NCMAP: variants seen among roughly 807,000 people sequenced by gnomAD.
The protein encoded by NCMAP is noncompact myelin-associated protein.
Under a neutral mutation model 7.8 loss-of-function variants are expected in NCMAP, and 8 were observed. That is an observed-to-expected ratio of 1.02 (90% CI 0.60 to 1.84). NCMAP has a LOEUF of 1.84. NCMAP is among the 40% of genes most tolerant of loss of function. NCMAP has a pLI of 0.00. For missense variants in NCMAP, 112 were observed against 131.4 expected (o/e 0.85, Z 0.72); for synonymous variants, 41 against 52.9 (o/e 0.78, Z 0.98).
At chr1:24,603,370 T>TA (rs922007795) in intron 3 of NCMAP, among the ~76,000 whole-genome samples, 2 of 149,736 alleles carry the variant, frequency 1.3e-5, no homozygotes, top group Non-Finnish European at 2.9e-5. Flanking sequence ...AAAAATTATT[T>TA]AAAAAAAAAT....
At chr1:24,582,503 C>G (rs1651773493) in intron 1 of NCMAP, among the ~76,000 whole-genome samples, 1 of 152,076 alleles carries the variant, frequency 6.6e-6, no homozygotes, top group South Asian at 2.1e-4. Flanking sequence ...AGGAGGGTCA[C>G]AGAGAGAGGA....
intron 1 of NCMAP, among the ~76,000 whole-genome samples, chr1:24,566,398 A>G (rs1261114654): frequency 6.6e-6 from 1 of 152,178 alleles, no homozygotes; most frequent in Non-Finnish European, 1.5e-5. Context: ...GCAGGAGAGA[A>G]TATGGGATGG....
intron 1 of NCMAP, among the ~76,000 whole-genome samples, chr1:24,577,420 T>TTTGTTG (rs1651615021): frequency 7.0e-6 from 1 of 143,750 alleles, no homozygotes; most frequent in Non-Finnish European, 1.5e-5. Context: ...TTTTTTTTTT[T>TTTGTTG]TTTTTTTTTT....
chr1:24,561,176 T>TATAA (rs1651038109), intron 1 of NCMAP, among the ~76,000 whole-genome samples: 1 of 15,170 alleles, frequency 6.6e-5, no homozygotes, highest in African/African-American at 3.2e-4. Context: ...CTACTAAAAA[T>TATAA]ACAAAAAAAA....
intron 1 of NCMAP, among the ~76,000 whole-genome samples, chr1:24,584,007 T>C (rs1306958931): frequency 6.6e-6 from 1 of 152,202 alleles, no homozygotes; most frequent in Non-Finnish European, 1.5e-5. Context: ...GAAAGCACAG[T>C]GCCTGGCACT....
chr1:24,567,165 A>G (rs1651251954), intron 1 of NCMAP, among the ~76,000 whole-genome samples: 1 of 152,118 alleles, frequency 6.6e-6, no homozygotes, highest in Non-Finnish European at 1.5e-5. Flanking sequence ...GCCCATACGC[A>G]CACATGCATT....
At chr1:24,585,594 G>T (rs1297116143) in intron 1 of NCMAP, among the ~76,000 whole-genome samples, 3 of 152,164 alleles carry the variant, frequency 2.0e-5, no homozygotes, top group Non-Finnish European at 4.4e-5. Flanking sequence ...TATTTTACAG[G>T]CAGGAAAACC....
At chr1:24,571,529 A>G (rs1220244063) in intron 1 of NCMAP, among the ~76,000 whole-genome samples, 1 of 150,698 alleles carries the variant, frequency 6.6e-6, no homozygotes, top group African/African-American at 2.5e-5. Context: ...TATGTAACCC[A>G]GCATATTCCA....
At chr1:24,556,845 C>G (rs536995714) in intron 1 of NCMAP, among the ~76,000 whole-genome samples, 1 of 151,946 alleles carries the variant, frequency 6.6e-6, no homozygotes, top group South Asian at 2.1e-4. Flanking sequence ...CTGGAAGGCC[C>G]CTTGGAGGAG....
chr1:24,566,645 T>C (rs1651235596), intron 1 of NCMAP, among the ~76,000 whole-genome samples: 1 of 152,180 alleles, frequency 6.6e-6, no homozygotes, highest in South Asian at 2.1e-4. Context: ...ATGGAGAAAC[T>C]GTGCAGAAAG....
intron 1 of NCMAP, among the ~76,000 whole-genome samples, chr1:24,582,365 T>C (rs749617964): frequency 1.3e-5 from 2 of 152,100 alleles, no homozygotes; most frequent in Non-Finnish European, 2.9e-5. Flanking sequence ...AACCTCAGAA[T>C]ATGTTAGTTT....
At chr1:24,568,949 A>G (rs1357159899) in intron 1 of NCMAP, among the ~76,000 whole-genome samples, 3 of 152,072 alleles carry the variant, frequency 2.0e-5, no homozygotes, top group Non-Finnish European at 4.4e-5. Flanking sequence ...TTGAGAGCCC[A>G]GAGCATGCTA....
chr1:24,588,273 AC>A (rs1652261875), intron 1 of NCMAP, among the ~76,000 whole-genome samples: 1 of 152,126 alleles, frequency 6.6e-6, no homozygotes, highest in African/African-American at 2.4e-5. Flanking sequence ...GACCATTAAA[AC>A]ATCCCAATAT....
At chr1:24,585,474 C>A (rs1354580002) in intron 1 of NCMAP, among the ~76,000 whole-genome samples, 3 of 152,150 alleles carry the variant, frequency 2.0e-5, no homozygotes, top group Non-Finnish European at 2.9e-5. Flanking sequence ...TCCATATCTA[C>A]AAAGAAGAAT....
chr1:24,570,717 C>T (rs536855122), intron 1 of NCMAP, among the ~76,000 whole-genome samples: 2 of 151,022 alleles, frequency 1.3e-5, no homozygotes, highest in South Asian at 4.1e-4. Flanking sequence ...GAGCTCACGG[C>T]ACCTCTGTGT....
At chr1:24,591,346 A>G (rs1389010964) in intron 1 of NCMAP, among the ~76,000 whole-genome samples, 2 of 151,908 alleles carry the variant, frequency 1.3e-5, no homozygotes, top group Non-Finnish European at 2.9e-5. Flanking sequence ...GCTCACTACA[A>G]CCTCCACCTC....
At chr1:24,599,827 C>G (rs1233196702) in intron 2 of NCMAP, among the ~76,000 whole-genome samples, 1 of 72,228 alleles carries the variant, frequency 1.4e-5, no homozygotes, top group East Asian at 4.5e-4. Context: ...CCGCCCCCCC[C>G]CCCCCCCCCC....
intron 3 of NCMAP, among the ~76,000 whole-genome samples, chr1:24,603,564 G>T (rs898088022): frequency 6.6e-6 from 1 of 152,070 alleles, no homozygotes; most frequent in Admixed American, 6.6e-5. Flanking sequence ...GAGAAACCTG[G>T]GTTCAGTAGT....
At chr1:24,557,729 C>G (rs1435948001) in intron 1 of NCMAP, among the ~76,000 whole-genome samples, 2 of 152,224 alleles carry the variant, frequency 1.3e-5, no homozygotes, top group Non-Finnish European at 2.9e-5. Flanking sequence ...ATGACCCCTT[C>G]ATGGCCTGTG....
Sources: allele counts gnomAD v4.1 joint callset (sites outside exome capture counted in the v4.1 genomes callset), GRCh38; gene constraint gnomAD v4.1.1; transcripts MANE v1.5; gene names NCBI Gene and HGNC (gene_info 2026-07-23, HGNC 2026-07-21).